Variants in INPP4B observed in about 807,000 individuals in gnomAD.
INPP4B encodes inositol polyphosphate 4-phosphatase type II.
Under a neutral mutation model 122.5 loss-of-function variants are expected in INPP4B, and 55 were observed. The observed-to-expected ratio is 0.45, with a 90% confidence interval of 0.36 to 0.56. The LOEUF (loss-of-function observed/expected upper bound fraction) is 0.56. Ranked by LOEUF, INPP4B falls within the 20% of genes least tolerant of loss-of-function variation. The pLI is 0.00. For synonymous variants in INPP4B, 403 were observed against 388.7 expected (o/e 1.04, Z -0.43); for missense variants, 1,000 against 1,097.7 (o/e 0.91, Z 1.26).
intron 2 of INPP4B, among the ~76,000 whole-genome samples, chr4:142,715,862 G>A (rs905120351): frequency 2.6e-5 from 4 of 152,196 alleles, no homozygotes; most frequent in Non-Finnish European, 1.5e-5. Context: ...GCCAGGAGCT[G>A]AGACCATTTG....
intron 16 of INPP4B, among the ~76,000 whole-genome samples, chr4:142,168,469 A>G (rs1290349534): frequency 1.3e-5 from 2 of 151,620 alleles, no homozygotes; most frequent in Non-Finnish European, 3.0e-5. Flanking sequence ...AAAATTACTC[A>G]GAATCAGTGG....
intron 5 of INPP4B, chr4:142,425,197 C>CT (rs752514971): frequency 6.6e-6 from 1 of 152,072 alleles, no homozygotes; most frequent in African/African-American, 2.4e-5. Context: ...TCTCTCCATC[C>CT]TTTACTCACT....
intron 8 of INPP4B, among the ~76,000 whole-genome samples, chr4:142,308,860 T>G (rs907922537): frequency 6.6e-5 from 10 of 152,120 alleles, no homozygotes; most frequent in African/African-American, 9.7e-5. Context: ...AGGTCTGAAG[T>G]GTGGCTCTAA....
chr4:142,743,582 G>C (rs1429759132), intron 1 of INPP4B, among the ~76,000 whole-genome samples: 1 of 151,924 alleles, frequency 6.6e-6, no homozygotes, highest in Non-Finnish European at 1.5e-5. Context: ...ATGTCACCCA[G>C]AGTGGAGATA....
chr4:142,127,189 T>C (rs953964062), intron 18 of INPP4B, among the ~76,000 whole-genome samples: 1 of 152,210 alleles, frequency 6.6e-6, no homozygotes, highest in Non-Finnish European at 1.5e-5. Context: ...CATGTACTTA[T>C]TGTTTAAGCA....
intron 1 of INPP4B, among the ~76,000 whole-genome samples, chr4:142,769,549 A>G (rs770334741): frequency 3.9e-5 from 6 of 152,180 alleles, no homozygotes; most frequent in Non-Finnish European, 5.9e-5. Flanking sequence ...AATTAACGTT[A>G]TGTCTGAAAT....
intron 2 of INPP4B, among the ~76,000 whole-genome samples, chr4:142,555,796 G>A (rs760389911): frequency 7.9e-5 from 12 of 151,372 alleles, no homozygotes; most frequent in South Asian, 2.1e-4. Flanking sequence ...GCGTGAACCC[G>A]GGAGGCAGAG....
At chr4:142,118,807 A>C (rs1795100769) in intron 21 of INPP4B, among the ~76,000 whole-genome samples, 1 of 152,202 alleles carries the variant, frequency 6.6e-6, no homozygotes, top group Non-Finnish European at 1.5e-5. Flanking sequence ...ATCTAATTAA[A>C]CTAAAGAGCT....
rs145095824 is a variant in INPP4B at position 142,507,798 on chromosome 4, C to A, written c.-190-45072G>T. Among the ~76,000 whole-genome samples the A allele has an allele frequency of 5.3e-5, 8 of 152,184 alleles. 1 individual carries two copies. The highest frequency in any genetic ancestry group is 2.1e-4 in the South Asian group (1 of 4,816). ...CAGGCCTTGGCTTCAACACCAGACC[C>A]CTCCATAGACTTTCTTTGCTGAGAG... On this transcript the variant is annotated intron_variant, in intron 2 of 25. Transcript: ENST00000262992.
intron 2 of INPP4B, among the ~76,000 whole-genome samples, chr4:142,498,120 T>TATAC (rs1553944759): frequency 4.5e-4 from 67 of 149,464 alleles, no homozygotes; most frequent in African/African-American, 1.3e-3. Flanking sequence ...TATATATATA[T>TATAC]ACACACACAC....
intron 17 of INPP4B, among the ~76,000 whole-genome samples, chr4:142,159,724 C>T (rs981287162): frequency 2.6e-5 from 4 of 151,922 alleles, no homozygotes; most frequent in Non-Finnish European, 5.9e-5. Context: ...TGCCATGGTA[C>T]ACCTTCACGT....
chr4:142,257,301 G>A (rs549928268), intron 11 of INPP4B, among the ~76,000 whole-genome samples: 74 of 151,778 alleles, frequency 4.9e-4, no homozygotes, highest in Non-Finnish European at 9.6e-4. Context: ...GGCACTAGAC[G>A]GGATGCCCTC....
intron 2 of INPP4B, among the ~76,000 whole-genome samples, chr4:142,684,349 A>G (rs1759053454): frequency 6.6e-6 from 1 of 152,078 alleles, no homozygotes; most frequent in South Asian, 2.1e-4. Flanking sequence ...GTGGAGACTC[A>G]ACATAGAAAA....
At chr4:142,548,428 A>T (rs188670121) in intron 2 of INPP4B, among the ~76,000 whole-genome samples, 4 of 152,328 alleles carry the variant, frequency 2.6e-5, no homozygotes, top group Non-Finnish European at 4.4e-5. Context: ...AAATGAAAAG[A>T]TCAATATATA....
intron 2 of INPP4B, among the ~76,000 whole-genome samples, chr4:142,464,985 C>A (rs1050667418): frequency 3.9e-5 from 6 of 152,120 alleles, no homozygotes; most frequent in African/African-American, 1.4e-4. Flanking sequence ...ATTACTTCTG[C>A]AAAGGTGATG....
chr4:142,777,415 G>A (rs1180104999), intron 1 of INPP4B, among the ~76,000 whole-genome samples: 2 of 152,072 alleles, frequency 1.3e-5, no homozygotes, highest in Non-Finnish European at 2.9e-5. Flanking sequence ...TCTAGTAGCT[G>A]AGGGCCTGAG....
At chr4:142,274,524 C>G (rs1022469719) in intron 9 of INPP4B, among the ~76,000 whole-genome samples, 1 of 151,738 alleles carries the variant, frequency 6.6e-6, no homozygotes, top group Non-Finnish European at 1.5e-5. Context: ...GCCAAACAAA[C>G]CAAATGTATG....
intron 2 of INPP4B, among the ~76,000 whole-genome samples, chr4:142,612,672 A>G (rs992741120): frequency 2.0e-5 from 3 of 152,176 alleles, no homozygotes; most frequent in African/African-American, 7.2e-5. Context: ...ATAGCCTCAC[A>G]TGGAGGAAAG....
At chr4:142,747,708 C>T (rs886159257) in intron 1 of INPP4B, among the ~76,000 whole-genome samples, 2 of 152,098 alleles carry the variant, frequency 1.3e-5, no homozygotes, top group African/African-American at 4.8e-5. Flanking sequence ...AGAATGAGTT[C>T]ATGTCTTTTG....
Sources: gnomAD v4.1 joint callset for allele counts (sites outside exome capture counted in the v4.1 genomes callset) on GRCh38, gnomAD v4.1.1 for gene constraint, MANE v1.5 for transcripts, NCBI Gene and HGNC (gene_info 2026-07-23, HGNC 2026-07-21) for gene names.